Variants in MAD1L1 observed in about 807,000 individuals in gnomAD.
MAD1L1 encodes the protein mitotic arrest deficient 1 like 1.
Under a neutral mutation model 96.9 loss-of-function variants are expected in MAD1L1, and 95 were observed. The observed-to-expected ratio is 0.98, with a 90% CI of 0.83 to 1.16. The LOEUF (loss-of-function observed/expected upper bound fraction) is 1.16. MAD1L1 is among the 50% of genes most tolerant of loss of function. The pLI is 0.00. For missense variants in MAD1L1, 1,007 were observed against 954.4 expected (o/e 1.06, Z -0.73); for synonymous variants, 473 against 396.6 (o/e 1.19, Z -2.29).
intron 12 of MAD1L1, among the ~76,000 whole-genome samples, chr7:2,037,383 C>T (rs1369230598): frequency 6.6e-6 from 1 of 152,222 alleles, no homozygotes; most frequent in Non-Finnish European, 1.5e-5. Flanking sequence ...TCCTGGACTA[C>T]ACAGATACTG....
chr7:2,153,847 T>C (rs78996681), intron 10 of MAD1L1, among the ~76,000 whole-genome samples: 354 of 152,318 alleles, frequency 2.3e-3, no homozygotes, highest in Non-Finnish European at 3.8e-3. Context: ...AGTGGAATGC[T>C]ATCCGGCCGT....
At chr7:2,014,926 G>A (rs542094962) in intron 12 of MAD1L1, among the ~76,000 whole-genome samples, 13 of 152,228 alleles carry the variant, frequency 8.5e-5, no homozygotes, top group Admixed American at 3.9e-4. Flanking sequence ...ACCTCGTACC[G>A]GCAGTATGGC....
At chr7:1,877,646 A>G (rs1050465914) in intron 18 of MAD1L1, among the ~76,000 whole-genome samples, 4 of 152,352 alleles carry the variant, frequency 2.6e-5, no homozygotes, top group Non-Finnish European at 5.9e-5. Context: ...CAAAAAATCC[A>G]TTAAAAATAT....
At chr7:2,121,403 G>T (rs1416317081) in intron 11 of MAD1L1, among the ~76,000 whole-genome samples, 1 of 152,238 alleles carries the variant, frequency 6.6e-6, no homozygotes, top group Non-Finnish European at 1.5e-5. Flanking sequence ...ACTCGGTCCA[G>T]CTGGAGCCTC....
intron 11 of MAD1L1, among the ~76,000 whole-genome samples, chr7:2,141,279 G>T (rs999621355): frequency 2.0e-5 from 3 of 152,266 alleles, no homozygotes; most frequent in Non-Finnish European, 4.4e-5. Context: ...CAGACACCGC[G>T]TGCTGCGGGG....
At chr7:2,162,525 A>G (rs1790203721) in intron 10 of MAD1L1, among the ~76,000 whole-genome samples, 1 of 151,788 alleles carries the variant, frequency 6.6e-6, no homozygotes, top group African/African-American at 2.4e-5. Flanking sequence ...CCTTCCCTCC[A>G]CTATTGTCCT....
intron 16 of MAD1L1, among the ~76,000 whole-genome samples, chr7:1,950,024 T>C (rs1347632282): frequency 6.6e-6 from 1 of 152,150 alleles, no homozygotes; most frequent in Non-Finnish European, 1.5e-5. Context: ...ATCGAGGTGC[T>C]CAGCAGTGGG....
intron 18 of MAD1L1, among the ~76,000 whole-genome samples, chr7:1,823,877 C>T (rs1039718440): frequency 5.3e-5 from 8 of 151,556 alleles, no homozygotes; most frequent in African/African-American, 1.9e-4. Flanking sequence ...CAGCTCCAGG[C>T]GCCTGCTTCC....
chr7:1,971,659 T>A (rs978339969), intron 15 of MAD1L1, among the ~76,000 whole-genome samples: 3 of 152,138 alleles, frequency 2.0e-5, no homozygotes, highest in African/African-American at 7.2e-5. Flanking sequence ...GGGTAAAGGT[T>A]TTGCTTACTT....
intron 10 of MAD1L1, among the ~76,000 whole-genome samples, chr7:2,189,507 C>G (rs1562354923): frequency 6.6e-6 from 1 of 152,156 alleles, no homozygotes; most frequent in Non-Finnish European, 1.5e-5. Flanking sequence ...ATGGATGATC[C>G]CTGAGGACAT....
At position 1,900,484 on chromosome 7, in the gene MAD1L1, G is replaced by A. The variant is rs542766280; in HGVS notation, c.1808-2094C>T. Among the ~76,000 whole-genome samples the A allele has an allele frequency of 3.9e-5, 6 of 152,232 alleles. No individual in the cohort carries two copies. In the East Asian group the frequency reaches 5.8e-4, roughly 15 times the overall value. On this transcript the variant is annotated intron_variant, in intron 17 of 18. Transcript: ENST00000265854. ...GCCCTGGGGGACACTGTTATTCCAC[G>A]GCCCAGCCCCTCCAGCAGGACGAGG...
At chr7:2,065,421 T>A (rs1436705452) in intron 12 of MAD1L1, among the ~76,000 whole-genome samples, 2 of 152,208 alleles carry the variant, frequency 1.3e-5, no homozygotes, top group Admixed American at 6.5e-5. Flanking sequence ...CCGTGGATCA[T>A]CAGGAATGTT....
intron 16 of MAD1L1, among the ~76,000 whole-genome samples, chr7:1,948,934 G>A (rs765037480): frequency 5.3e-4 from 80 of 152,326 alleles, no homozygotes; most frequent in Middle Eastern, 6.8e-3. Flanking sequence ...AGCTCTGGAG[G>A]GAGACCCAGG....
chr7:1,884,314 C>T (rs971751855), intron 18 of MAD1L1, among the ~76,000 whole-genome samples: 2 of 152,224 alleles, frequency 1.3e-5, no homozygotes, highest in Non-Finnish European at 1.5e-5. Context: ...TGGCCATCCA[C>T]CAGTGCACCC....
chr7:2,079,832 G>T, intron 11 of MAD1L1: 2 of 455,938 alleles, frequency 4.4e-6, no homozygotes, highest in Non-Finnish European at 9.1e-6. Flanking sequence ...AGACAAGGGG[G>T]CAAGTCACCT....
At chr7:1,880,321 T>C (rs1313333946) in intron 18 of MAD1L1, among the ~76,000 whole-genome samples, 1 of 152,158 alleles carries the variant, frequency 6.6e-6, no homozygotes, top group Non-Finnish European at 1.5e-5. Flanking sequence ...TGGGAAGCCC[T>C]GCACCAGGTC....
At chr7:1,999,923 G>A (rs1475558042) in intron 14 of MAD1L1, among the ~76,000 whole-genome samples, 1 of 152,094 alleles carries the variant, frequency 6.6e-6, no homozygotes, top group Non-Finnish European at 1.5e-5. Context: ...TGCCCTCCAC[G>A]GAGTACCCCA....
At chr7:2,002,221 C>G (rs1403482685) in intron 13 of MAD1L1, 100 bp from the exon 14 acceptor site, 1 of 1,196,032 alleles carries the variant, frequency 8.4e-7, no homozygotes, top group Non-Finnish European at 1.2e-6. Flanking sequence ...AGCCTCCACT[C>G]TCTGGGGAGC....
chr7:1,967,764 C>T (rs576406030), intron 15 of MAD1L1, among the ~76,000 whole-genome samples: 139 of 152,336 alleles, frequency 9.1e-4, no homozygotes, highest in Non-Finnish European at 1.2e-3. Context: ...CGCGGCCGGC[C>T]GCGGGGAGAT....
Sources: allele counts gnomAD v4.1 joint callset (sites outside exome capture counted in the v4.1 genomes callset), GRCh38; gene constraint gnomAD v4.1.1; transcripts MANE v1.5; gene names NCBI Gene and HGNC (gene_info 2026-07-23, HGNC 2026-07-21).